The following RNF141 variants were observed in gnomAD, a reference collection of about 807,000 sequenced individuals.
RNF141 encodes C3HC4-like zinc finger protein.
A neutral mutation model predicts 27.4 loss-of-function variants in RNF141; 18 were observed. The ratio of observed to expected loss-of-function variants is 0.66; its 90% CI spans 0.45 to 0.97. The LOEUF (loss-of-function observed/expected upper bound fraction) is 0.97. Ranked by LOEUF, RNF141 falls within the 50% of genes least tolerant of loss-of-function variation. The pLI is 0.00. For synonymous variants in RNF141, 97 were observed against 96.6 expected, an observed-to-expected ratio of 1.00 and a Z score of -0.02; for missense variants, 230 against 279.4, an observed-to-expected ratio of 0.82 and a Z score of 1.26.
In RNF141 at chr11:10,534,010, C is replaced by T. The variant is rs375380846; in HGVS notation, c.143+6G>A. On this transcript the variant is annotated splice_donor_region_variant and intron_variant, in intron 2 of 5. Coordinates refer to ENST00000265981, the MANE Select transcript of RNF141 (RefSeq NM_016422.4). ...AAAAACGAAAAACAAAAAGAGCAAGCCTTACACATCATTAAGCTCAGCTAC... is the reference window on the plus strand; with the variant it reads ...AAAAACGAAAAACAAAAAGAGCAAGTCTTACACATCATTAAGCTCAGCTAC... 2.5e-6 allele frequency: 4 copies of T among 1,612,050 alleles called. No homozygotes were observed. The East Asian group carries it at 8.9e-5, about 36-fold the overall frequency.
At chr11:10,537,246 T>G (rs1325897944) in intron 1 of RNF141, among the ~76,000 whole-genome samples, 3 of 152,202 alleles carry the variant, frequency 2.0e-5, no homozygotes, top group African/African-American at 7.2e-5. Flanking sequence ...AGATTAGAAG[T>G]ACATCTAATA....
At position 10,513,597 on chromosome 11, in the gene RNF141, C is replaced by T. The variant is rs1025968367; in HGVS notation, c.*1319G>A. 3 of 152,062 alleles carry T rather than the reference C, an allele frequency of 2.0e-5. No individual in the cohort carries two copies. The highest frequency in any genetic ancestry group is 4.4e-5 in the Non-Finnish European group (3 of 68,010). The allele number at this position is 152,062 out of a possible 1,614,324, so 9.4% of individuals were successfully genotyped here. On this transcript the variant is annotated 3_prime_UTR_variant, in exon 6 of 6. Coordinates refer to ENST00000265981, the MANE Select transcript of RNF141 (RefSeq NM_016422.4). Reference sequence around the variant, plus strand: ...TGGAAAGAGTATTTCAATGGAAGTACAGTGAAACAGTAGGAATGCCAAATT... The same window carrying T: ...TGGAAAGAGTATTTCAATGGAAGTATAGTGAAACAGTAGGAATGCCAAATT...
At chr11:10,519,233 T>C in intron 4 of RNF141, 92 bp from the exon 5 acceptor site, 1 of 1,055,872 alleles carries the variant, frequency 9.5e-7, no homozygotes. Flanking sequence ...TAAACATCTA[T>C]ATGCCCACAG....
At chr11:10,538,025 C>G (rs944727075) in intron 1 of RNF141, among the ~76,000 whole-genome samples, 45 of 152,324 alleles carry the variant, frequency 3.0e-4, no homozygotes, top group Admixed American at 1.2e-3. Context: ...GCGTATTTTG[C>G]TACCCTACAT....
At chr11:10,515,593 A>G (rs1849837064) in intron 5 of RNF141, 1 of 152,272 alleles carries the variant, frequency 6.6e-6, no homozygotes, top group African/African-American at 2.4e-5. Flanking sequence ...CATCAATGGA[A>G]GATTTGGTCA....
At chr11:10,524,124 GA>G (rs1564866711) in intron 4 of RNF141, among the ~76,000 whole-genome samples, 1 of 152,024 alleles carries the variant, frequency 6.6e-6, no homozygotes, top group East Asian at 1.9e-4. Context: ...TAAAAAAAAA[GA>G]AACCACTGGC....
At chr11:10,515,829 T>C (rs1413221439) in intron 5 of RNF141, 1 of 152,174 alleles carries the variant, frequency 6.6e-6, no homozygotes, top group Non-Finnish European at 1.5e-5. Context: ...TATATAAAAA[T>C]GGAGCATACA....
intron 5 of RNF141, chr11:10,516,086 T>C (rs766778103): frequency 6.6e-6 from 1 of 152,228 alleles, no homozygotes; most frequent in Non-Finnish European, 1.5e-5. Context: ...TTGGCTTTTA[T>C]GCAAAAATTT....
intron 1 of RNF141, among the ~76,000 whole-genome samples, chr11:10,537,611 C>T (rs1426242754): frequency 1.3e-5 from 2 of 151,978 alleles, no homozygotes; most frequent in African/African-American, 4.8e-5. Flanking sequence ...GAAAAACACA[C>T]AAATTTTATT....
intron 4 of RNF141, among the ~76,000 whole-genome samples, chr11:10,523,657 C>A (rs1189270896): frequency 6.6e-6 from 1 of 152,196 alleles, no homozygotes; most frequent in Admixed American, 6.5e-5. Context: ...GCACCCCTAA[C>A]AAGCTAATCA....
At chr11:10,534,261 T>A in intron 1 of RNF141, 56 bp from the exon 2 acceptor site, 1 of 1,257,812 alleles carries the variant, frequency 8.0e-7, no homozygotes, top group Non-Finnish European at 1.1e-6. Flanking sequence ...GGCAATATAC[T>A]CATTCTTCAA....
intron 4 of RNF141, among the ~76,000 whole-genome samples, chr11:10,522,045 AT>A (rs1404865391): frequency 6.6e-6 from 1 of 152,232 alleles, no homozygotes; most frequent in Non-Finnish European, 1.5e-5. Flanking sequence ...TTAGGATCTT[AT>A]TTCAGCAATT....
At position 10,518,081 on chromosome 11, in the gene RNF141, G is replaced by GT. The variant is rs1849856851; in HGVS notation, c.542+952dup. 2.0e-5 allele frequency among the ~76,000 whole-genome samples: 3 copies of GT among 152,268 alleles called. No homozygotes were observed. In the South Asian group the frequency reaches 6.2e-4, roughly 32 times the overall value. ...CGTATGTGGATAGGAAGATGCACTA[G>GT]TAAGAAATTCACTCTCCCTAAATTG... On this transcript the variant is annotated intron_variant, in intron 5 of 5. Coordinates refer to ENST00000265981, the MANE Select transcript of RNF141 (RefSeq NM_016422.4).
rs535781062 is a variant in RNF141, at chr11:10,539,209, C to T, written c.-48+1913G>A. ...ATTCCTTATAAAAATATTAAAATTA[C>T]ATCATGGGTAACTGGCAAAGCAAAA... On this transcript the variant is annotated intron_variant, in intron 1 of 5. Transcript: ENST00000265981. Among the ~76,000 whole-genome samples, 14 of 152,198 alleles carry T rather than the reference C, an allele frequency of 9.2e-5. No homozygotes were observed. In the South Asian group the frequency reaches 2.5e-3, roughly 27 times the overall value.
chr11:10,536,144 G>A (rs1245086399), intron 1 of RNF141, among the ~76,000 whole-genome samples: 2 of 152,142 alleles, frequency 1.3e-5, no homozygotes, highest in Admixed American at 1.3e-4. Context: ...AGGGGGACTT[G>A]ACCTAGTTTT....
At chr11:10,523,992 C>T (rs1849909977) in intron 4 of RNF141, among the ~76,000 whole-genome samples, 1 of 152,058 alleles carries the variant, frequency 6.6e-6, no homozygotes, top group Non-Finnish European at 1.5e-5. Context: ...CCTAGAAAAC[C>T]AAGTAATTCT....
intron 3 of RNF141, among the ~76,000 whole-genome samples, chr11:10,530,126 G>C (rs1342560349): frequency 6.6e-6 from 1 of 152,104 alleles, no homozygotes; most frequent in African/African-American, 2.4e-5. Flanking sequence ...AAAAAGTTAA[G>C]AACTTTCTAT....
intron 3 of RNF141, among the ~76,000 whole-genome samples, chr11:10,526,511 C>T (rs1202710181): frequency 2.0e-5 from 3 of 152,084 alleles, no homozygotes; most frequent in East Asian, 1.9e-4. Flanking sequence ...CGGCCAGGCA[C>T]GGTGGCTCAT....
intron 3 of RNF141, among the ~76,000 whole-genome samples, chr11:10,529,559 T>C (rs9300104): frequency 0.65 from 98,485 of 152,022 alleles, 32,165 homozygotes; most frequent in East Asian, 0.85. Context: ...TGGAGTCATA[T>C]TGTAGGAGTT....
Sources: allele counts gnomAD v4.1 joint callset (sites outside exome capture counted in the v4.1 genomes callset), GRCh38; gene constraint gnomAD v4.1.1; transcripts MANE v1.5; gene names NCBI Gene and HGNC (gene_info 2026-07-23, HGNC 2026-07-21).